Variants in TMCC1 observed in about 807,000 individuals in gnomAD.
TMCC1 encodes transmembrane and coiled-coil domain family 1, also known as transmembrane and coiled-coil domains protein 1.
In TMCC1, 15 loss-of-function variants were observed where a neutral mutation model predicts 52.4. The observed-to-expected ratio is 0.29, with a 90% confidence interval of 0.19 to 0.44. TMCC1 has a LOEUF of 0.44. Among genes scored for constraint, TMCC1 ranks in the 20% least tolerant of loss-of-function variants. The pLI, the probability that TMCC1 is intolerant of heterozygous loss-of-function variation, is 1.00. For synonymous variants in TMCC1, 279 were observed against 301.9 expected (o/e 0.92, Z 0.79); for missense variants, 503 against 806.0 (o/e 0.62, Z 4.55).
chr3:129,762,188 C>A (rs1366807961), intron 4 of TMCC1, among the ~76,000 whole-genome samples: 1 of 151,934 alleles, frequency 6.6e-6, no homozygotes, highest in African/African-American at 2.4e-5. Flanking sequence ...CAGGTGTGCA[C>A]CACTACACTC....
At chr3:129,870,732 G>C (rs2060882787) in intron 2 of TMCC1, among the ~76,000 whole-genome samples, 1 of 33,854 alleles carries the variant, frequency 3.0e-5, no homozygotes, top group Admixed American at 2.9e-4. Context: ...GGGGGGGGGG[G>C]GGGGGCGACA....
chr3:129,652,249 A>G (rs1431515730), intron 6 of TMCC1, among the ~76,000 whole-genome samples: 2 of 152,218 alleles, frequency 1.3e-5, no homozygotes, highest in Non-Finnish European at 2.9e-5. Flanking sequence ...GTGTATGCAT[A>G]TATGTGTCAA....
intron 2 of TMCC1, among the ~76,000 whole-genome samples, chr3:129,845,000 G>T (rs1289590444): frequency 1.3e-5 from 2 of 152,138 alleles, no homozygotes; most frequent in Non-Finnish European, 2.9e-5. Context: ...TGTTCAGCCA[G>T]GGCAACATGG....
At chr3:129,846,974 C>G (rs1409909156) in intron 2 of TMCC1, 1 of 149,792 alleles carries the variant, frequency 6.7e-6, no homozygotes, top group Non-Finnish European at 1.5e-5. Context: ...TCCTGGGTAA[C>G]AGAGCAAGAT....
At chr3:129,771,209 G>A (rs1225382377) in intron 4 of TMCC1, among the ~76,000 whole-genome samples, 1 of 152,146 alleles carries the variant, frequency 6.6e-6, no homozygotes, top group Non-Finnish European at 1.5e-5. Context: ...GATGGGCTGG[G>A]AAGGGAAAAG....
chr3:129,789,197 G>C (rs1276715690), intron 4 of TMCC1, among the ~76,000 whole-genome samples: 1 of 152,106 alleles, frequency 6.6e-6, no homozygotes, highest in African/African-American at 2.4e-5. Context: ...TACCCACCTA[G>C]TGCTTATCAT....
At chr3:129,813,821 A>G (rs182946113) in intron 4 of TMCC1, among the ~76,000 whole-genome samples, 1 of 152,212 alleles carries the variant, frequency 6.6e-6, no homozygotes, top group Non-Finnish European at 1.5e-5. Context: ...AAAAAGATGA[A>G]GCTATTCCAT....
chr3:129,718,175 G>A (rs2049253177), intron 4 of TMCC1, among the ~76,000 whole-genome samples: 1 of 152,174 alleles, frequency 6.6e-6, no homozygotes, highest in Non-Finnish European at 1.5e-5. Context: ...CAAATCTGAA[G>A]TTAATTCTAT....
At chr3:129,756,739 A>G (rs895294575) in intron 4 of TMCC1, among the ~76,000 whole-genome samples, 1 of 152,194 alleles carries the variant, frequency 6.6e-6, no homozygotes, top group Non-Finnish European at 1.5e-5. Flanking sequence ...GAAAAAAGCC[A>G]GACTCAAAGT....
intron 4 of TMCC1, among the ~76,000 whole-genome samples, chr3:129,765,932 G>A (rs943533165): frequency 6.6e-6 from 1 of 152,240 alleles, no homozygotes; most frequent in East Asian, 1.9e-4. Flanking sequence ...GAGGGAGGAA[G>A]ATAGATCACC....
At chr3:129,668,501 TTTGAAC>T (rs2108881698) in intron 5 of TMCC1, among the ~76,000 whole-genome samples, 1 of 152,366 alleles carries the variant, frequency 6.6e-6, no homozygotes, top group East Asian at 1.9e-4. Flanking sequence ...AGAACTGGAA[TTTGAAC>T]TTGGGAGTTA....
chr3:129,863,366 C>T (rs2060480373), intron 2 of TMCC1, among the ~76,000 whole-genome samples: 1 of 152,110 alleles, frequency 6.6e-6, no homozygotes, highest in Admixed American at 6.6e-5. Flanking sequence ...AGGAATCAGG[C>T]ATGGAGAAGT....
intron 4 of TMCC1, among the ~76,000 whole-genome samples, chr3:129,794,618 CTG>C (rs1355136319): frequency 2.6e-5 from 4 of 152,158 alleles, no homozygotes; most frequent in South Asian, 2.1e-4. Context: ...CTAGCACTTC[CTG>C]TGAGTCAGCT....
chr3:129,698,154 G>A (rs1396983635), intron 4 of TMCC1, among the ~76,000 whole-genome samples: 4 of 152,092 alleles, frequency 2.6e-5, no homozygotes, highest in African/African-American at 9.7e-5. Flanking sequence ...CCAAGACTGG[G>A]TCATTTATAA....
chr3:129,711,980 C>T (rs918853646), intron 4 of TMCC1, among the ~76,000 whole-genome samples: 110 of 114,880 alleles, frequency 9.6e-4, no homozygotes, highest in Non-Finnish European at 1.0e-3. Context: ...CCAGCCTGGG[C>T]GACAGAGTGA....
intron 4 of TMCC1, among the ~76,000 whole-genome samples, chr3:129,799,736 C>T (rs923834702): frequency 7.9e-5 from 12 of 152,034 alleles, no homozygotes; most frequent in African/African-American, 2.4e-4. Context: ...GGCATGAACC[C>T]GGGAGGCGGA....
intron 3 of TMCC1, among the ~76,000 whole-genome samples, chr3:129,831,345 G>C (rs1047324127): frequency 6.6e-6 from 1 of 152,086 alleles, no homozygotes; most frequent in Non-Finnish European, 1.5e-5. Context: ...GACTATCTTC[G>C]CAGCTACGAA....
intron 4 of TMCC1, among the ~76,000 whole-genome samples, chr3:129,701,917 C>T (rs1306096834): frequency 6.6e-6 from 1 of 151,784 alleles, no homozygotes; most frequent in Admixed American, 6.6e-5. Context: ...ACAGGCACAC[C>T]AAAACTTATT....
intron 4 of TMCC1, among the ~76,000 whole-genome samples, chr3:129,761,697 G>C (rs1465882965): frequency 1.3e-5 from 2 of 152,032 alleles, no homozygotes; most frequent in African/African-American, 4.8e-5. Flanking sequence ...AATGGGAAAA[G>C]AGTACTAGCA....
Sources: gnomAD v4.1 joint callset for allele counts (sites outside exome capture counted in the v4.1 genomes callset) on GRCh38, gnomAD v4.1.1 for gene constraint, MANE v1.5 for transcripts, NCBI Gene and HGNC (gene_info 2026-07-23, HGNC 2026-07-21) for gene names.